The following CNTNAP5 variants were observed in gnomAD, a reference collection of about 807,000 sequenced individuals.
The protein encoded by CNTNAP5 is contactin associated protein family member 5, also known as contactin-associated protein-like 5.
A neutral mutation model predicts 150.2 loss-of-function variants in CNTNAP5; 72 were observed. The ratio of observed to expected loss-of-function variants is 0.48; its 90% CI spans 0.40 to 0.58. CNTNAP5 has a LOEUF of 0.58. Ranked by LOEUF, CNTNAP5 falls within the 20% of genes least tolerant of loss-of-function variation. The pLI is 0.00. For missense variants in CNTNAP5, 1,636 were observed against 1,626.2 expected (o/e 1.01, Z -0.10); for synonymous variants, 672 against 619.8 (o/e 1.08, Z -1.25).
Position 124,602,356 on chromosome 2 carries a change from A to T in CNTNAP5, c.1757-7445A>T, listed in dbSNP as rs1697006214. On this transcript the variant is annotated intron_variant, in intron 11 of 23. Coordinates refer to ENST00000682447, the MANE Select transcript of CNTNAP5 (RefSeq NM_001367498.1). ...ACTTCACCAAAAAAAAAAAAAAAAA[A>T]AAAAGAATAAAGGCAATATCATGTA... Among the ~76,000 whole-genome samples, 3 of 151,394 alleles carry T rather than the reference A, an allele frequency of 2.0e-5. No homozygotes were observed. The South Asian group carries it at 6.3e-4, about 32-fold the overall frequency.
intron 19 of CNTNAP5, among the ~76,000 whole-genome samples, chr2:124,850,500 A>G (rs918767762): frequency 6.6e-6 from 1 of 152,204 alleles, no homozygotes; most frequent in Non-Finnish European, 1.5e-5. Context: ...AAGAGACAAG[A>G]AAGCATCCTC....
intron 20 of CNTNAP5, among the ~76,000 whole-genome samples, chr2:124,866,137 C>A (rs978370195): frequency 6.6e-6 from 1 of 151,776 alleles, no homozygotes; most frequent in African/African-American, 2.4e-5. Context: ...GTGGCACGCA[C>A]CTATAATCCC....
At chr2:124,890,272 G>A (rs1174505054) in intron 21 of CNTNAP5, among the ~76,000 whole-genome samples, 1 of 151,972 alleles carries the variant, frequency 6.6e-6, no homozygotes, top group Non-Finnish European at 1.5e-5. Flanking sequence ...TATCTATATG[G>A]CAATCCGGAA....
rs1373525624 is a variant in CNTNAP5, at chr2:124,859,865, C to T, written c.3218-5441C>T. 2.0e-5 allele frequency among the ~76,000 whole-genome samples: 3 copies of T among 151,990 alleles called. No individual in the cohort carries two copies. The East Asian group carries it at 5.8e-4, about 29-fold the overall frequency. On this transcript the variant is annotated intron_variant, in intron 19 of 23. Coordinates refer to ENST00000682447, the MANE Select transcript of CNTNAP5 (RefSeq NM_001367498.1). ...ATAGGTGGGAATTGAACAATGAGAACACTTGGACACAGGAAGGGGAACATC... is the reference window on the plus strand; with the variant it reads ...ATAGGTGGGAATTGAACAATGAGAATACTTGGACACAGGAAGGGGAACATC...
intron 1 of CNTNAP5, among the ~76,000 whole-genome samples, chr2:124,040,064 G>A (rs1214942056): frequency 6.6e-6 from 1 of 152,114 alleles, no homozygotes; most frequent in African/African-American, 2.4e-5. Context: ...TGGTCATTTG[G>A]ATGGAAATTA....
chr2:124,742,497 T>C (rs1041104973), intron 13 of CNTNAP5, among the ~76,000 whole-genome samples: 1 of 152,154 alleles, frequency 6.6e-6, no homozygotes, highest in Non-Finnish European at 1.5e-5. Flanking sequence ...CGTTGTGCTA[T>C]AGTATTATTA....
intron 12 of CNTNAP5, among the ~76,000 whole-genome samples, chr2:124,633,838 G>A (rs1387283230): frequency 6.6e-6 from 1 of 152,118 alleles, no homozygotes; most frequent in Non-Finnish European, 1.5e-5. Context: ...ACACCACCTG[G>A]AAACCACCAA....
In CNTNAP5 at chr2:124,176,842, G is replaced by GTTTTTTTTTTTTTTT. The variant is rs71394026; in HGVS notation, c.83-44857_83-44843dup. ...TCAGATAATGTCTTTGTTATTGCTGGTTTTTTTTTTTTTTTTTTTTACATG... is the reference window on the plus strand; with the variant it reads ...TCAGATAATGTCTTTGTTATTGCTGGTTTTTTTTTTTTTTTTTTTTTTTTTTTTTTTTTTTACATG... On this transcript the variant is annotated intron_variant, in intron 1 of 23. Transcript: ENST00000682447. 6.7e-5 allele frequency among the ~76,000 whole-genome samples: 8 copies of GTTTTTTTTTTTTTTT among 119,914 alleles called. 1 individual carries two copies. The highest frequency in any genetic ancestry group is 1.0e-4 in the Non-Finnish European group (6 of 59,124). The allele number at this position is 119,914 out of a possible 152,430, so 78.7% of individuals were successfully genotyped here.
At chr2:124,463,789 A>C (rs763352662) in intron 6 of CNTNAP5, among the ~76,000 whole-genome samples, 7 of 152,190 alleles carry the variant, frequency 4.6e-5, no homozygotes, top group Non-Finnish European at 8.8e-5. Flanking sequence ...AAGGCTGCTC[A>C]GTGGAACCAG....
chr2:124,835,088 TCTAA>T (rs981568565), intron 19 of CNTNAP5, among the ~76,000 whole-genome samples: 1 of 152,070 alleles, frequency 6.6e-6, no homozygotes, highest in African/African-American at 2.4e-5. Flanking sequence ...ATGACTTTTA[TCTAA>T]CTACCAATAG....
intron 1 of CNTNAP5, among the ~76,000 whole-genome samples, chr2:124,069,326 A>C (rs1339960185): frequency 2.0e-5 from 3 of 152,166 alleles, no homozygotes; most frequent in African/African-American, 7.2e-5. Context: ...CTGCAGTAGA[A>C]TAGAATACCA....
intron 11 of CNTNAP5, among the ~76,000 whole-genome samples, chr2:124,583,288 G>A (rs1229025323): frequency 6.6e-6 from 1 of 152,154 alleles, no homozygotes; most frequent in Non-Finnish European, 1.5e-5. Context: ...GAATACTCAG[G>A]GAAGCAACTC....
intron 12 of CNTNAP5, among the ~76,000 whole-genome samples, chr2:124,626,067 C>A (rs1205890100): frequency 6.6e-6 from 1 of 152,146 alleles, no homozygotes; most frequent in Non-Finnish European, 1.5e-5. Context: ...CAATATCTGA[C>A]ATGCCCTAAG....
chr2:124,640,476 C>T (rs1678067971), intron 12 of CNTNAP5, among the ~76,000 whole-genome samples: 1 of 152,114 alleles, frequency 6.6e-6, no homozygotes, highest in Non-Finnish European at 1.5e-5. Flanking sequence ...ACCGGTAATG[C>T]GCACACCTCC....
intron 11 of CNTNAP5, among the ~76,000 whole-genome samples, chr2:124,568,861 C>T (rs1184379269): frequency 6.6e-6 from 1 of 152,020 alleles, no homozygotes; most frequent in African/African-American, 2.4e-5. Flanking sequence ...CTGGCTAACA[C>T]GGTGAAACCC....
chr2:124,520,406 A>G (rs1694824464), intron 8 of CNTNAP5, among the ~76,000 whole-genome samples: 1 of 152,170 alleles, frequency 6.6e-6, no homozygotes, highest in Non-Finnish European at 1.5e-5. Flanking sequence ...GAGGTATGAC[A>G]TTCTTGGGAT....
chr2:124,867,754 A>G (rs990425872), intron 20 of CNTNAP5, among the ~76,000 whole-genome samples: 7 of 152,160 alleles, frequency 4.6e-5, no homozygotes, highest in African/African-American at 7.2e-5. Flanking sequence ...TTTAAATTTC[A>G]TGTACATGCT....
intron 18 of CNTNAP5, 44 bp from the exon 19 acceptor site, chr2:124,798,052 A>G: frequency 2.8e-6 from 4 of 1,450,250 alleles, no homozygotes; most frequent in Non-Finnish European, 3.8e-6. Context: ...TGAACAATGG[A>G]TCTAAAGGTT....
chr2:124,798,381 C>T (rs1681894289), intron 19 of CNTNAP5, 61 bp downstream of exon 19: 5 of 1,177,540 alleles, frequency 4.2e-6, no homozygotes, highest in South Asian at 1.2e-5. Context: ...ACGGTGCATG[C>T]CCTCCAGAAC....
Sources: gnomAD v4.1 joint callset for allele counts (sites outside exome capture counted in the v4.1 genomes callset) on GRCh38, gnomAD v4.1.1 for gene constraint, MANE v1.5 for transcripts, NCBI Gene and HGNC (gene_info 2026-07-23, HGNC 2026-07-21) for gene names.